ERN1: variants seen among roughly 807,000 people sequenced by gnomAD.
ERN1 encodes the protein serine/threonine-protein kinase/endoribonuclease IRE1.
In ERN1, 39 loss-of-function variants were observed where a neutral mutation model predicts 113.1. The ratio of observed to expected loss-of-function variants is 0.34; its 90% CI spans 0.27 to 0.45. The LOEUF (loss-of-function observed/expected upper bound fraction) is 0.45. Among genes scored for constraint, ERN1 ranks in the 20% least tolerant of loss-of-function variants. The pLI, the probability that ERN1 is intolerant of heterozygous loss-of-function variation, is 1.00. For missense variants in ERN1, 976 were observed against 1,274.8 expected, an observed-to-expected ratio of 0.77 and a Z score of 3.57; for synonymous variants, 507 against 515.9, an observed-to-expected ratio of 0.98 and a Z score of 0.23.
At chr17:64,107,638 T>C (rs1274280055) in intron 1 of ERN1, among the ~76,000 whole-genome samples, 1 of 152,116 alleles carries the variant, frequency 6.6e-6, no homozygotes, top group African/African-American at 2.4e-5. Flanking sequence ...TTTATTCAAA[T>C]CAAACCCTGT....
At position 64,052,967 on chromosome 17, in the gene ERN1, A is replaced by G; in HGVS notation, c.2066T>C (p.Leu689Pro). 1 of 1,610,862 alleles carries G rather than the reference A, an allele frequency of 6.2e-7. No homozygotes were observed. Among genetic ancestry groups the G allele is most frequent in the South Asian group, 1.1e-5 (1 of 90,612 alleles). Residue 689 changes from leucine (L) to proline (P), a missense_variant, in exon 17 of 22, where the codon CTA becomes CCA. Physicochemically the swap from Leu to Pro is moderately conservative, Grantham distance 98. This residue lies in a region of ERN1 where 297 missense variants were observed against 457.8 expected (regional missense o/e 0.65). Transcript: ENST00000433197. ...GGATATGAGGATGTTGTGTGGCTTTAGGTCTCTGTGAACTAACAGAGAACT... is the reference window on the plus strand; with the variant it reads ...GGATATGAGGATGTTGTGTGGCTTTGGGTCTCTGTGAACTAACAGAGAACT... ...LHSLNIVHRDLKPHNILISMP... is the reference protein window; with the variant it reads ...LHSLNIVHRDPKPHNILISMP...
chr17:64,091,650 G>T (rs1262693974), intron 2 of ERN1, among the ~76,000 whole-genome samples: 2 of 152,178 alleles, frequency 1.3e-5, no homozygotes, highest in Non-Finnish European at 2.9e-5. Context: ...AACATTGCAG[G>T]CTGCTGGTAG....
intron 2 of ERN1, among the ~76,000 whole-genome samples, chr17:64,097,179 C>T (rs1914253378): frequency 1.3e-5 from 2 of 152,194 alleles, no homozygotes; most frequent in Non-Finnish European, 2.9e-5. Flanking sequence ...CCAAGCAGGG[C>T]CCATGCAGGT....
intron 12 of ERN1, among the ~76,000 whole-genome samples, chr17:64,056,902 T>C (rs1018565723): frequency 6.6e-6 from 1 of 152,204 alleles, no homozygotes; most frequent in African/African-American, 2.4e-5. Context: ...ATAAAGAGTC[T>C]GTCATTCCCA....
intron 1 of ERN1, among the ~76,000 whole-genome samples, chr17:64,118,877 C>G (rs1274990703): frequency 6.6e-6 from 1 of 152,168 alleles, no homozygotes; most frequent in Non-Finnish European, 1.5e-5. Context: ...ACAGCCTGCA[C>G]CCTCCCACCA....
At chr17:64,106,864 C>T (rs1914545599) in intron 1 of ERN1, among the ~76,000 whole-genome samples, 1 of 151,840 alleles carries the variant, frequency 6.6e-6, no homozygotes, top group African/African-American at 2.4e-5. Context: ...AACATCAAAA[C>T]AACAGGAAGA....
Position 64,039,487 on chromosome 17 carries a change from A to AT in ERN1, c.*4500_*4501insA, listed in dbSNP as rs1912274685. 2 of 152,238 alleles carry AT rather than the reference A, an allele frequency of 1.3e-5. No homozygotes were observed. Among genetic ancestry groups the AT allele is most frequent in the Non-Finnish European group, 2.9e-5 (2 of 68,040 alleles). 9.4% of individuals were successfully genotyped at this position (152,238 alleles called of 1,614,324 possible). On this transcript the variant is annotated 3_prime_UTR_variant, in exon 22 of 22. Coordinates refer to ENST00000433197, the MANE Select transcript of ERN1 (RefSeq NM_001433.5). ...CCGACCAAATTAATCACCCTTTAAT[A>AT]ATAAGACTACTGTAAAGCATCCATC...
At chr17:64,087,526 T>C (rs1382804839) in intron 2 of ERN1, among the ~76,000 whole-genome samples, 3 of 152,174 alleles carry the variant, frequency 2.0e-5, no homozygotes, top group South Asian at 4.1e-4. Flanking sequence ...CTTTTAAGTG[T>C]ACCTCTAGCA....
intron 2 of ERN1, among the ~76,000 whole-genome samples, chr17:64,081,908 C>T (rs1254439410): frequency 6.6e-6 from 1 of 152,136 alleles, no homozygotes; most frequent in African/African-American, 2.4e-5. Flanking sequence ...AGTGACAGAT[C>T]CAAAAGTCCG....
chr17:64,048,731 G>A (rs1598044056), intron 18 of ERN1, among the ~76,000 whole-genome samples: 1 of 152,272 alleles, frequency 6.6e-6, no homozygotes, highest in East Asian at 1.9e-4. Flanking sequence ...AAATGCCAGT[G>A]CAGGAAGGGA....
intron 1 of ERN1, among the ~76,000 whole-genome samples, chr17:64,103,729 A>G (rs1427947668): frequency 6.6e-6 from 1 of 152,210 alleles, no homozygotes; most frequent in African/African-American, 2.4e-5. Context: ...TCAGGTAAGA[A>G]AAAAATATTT....
In ERN1 at chr17:64,073,335, AT is replaced by A. The variant is rs201213734; in HGVS notation, c.356-1233del. ...AGGTGCGTGCCACCACACCCAGCAA[AT>A]TTTTTTTTTTTTTTTTTTTTAGTAG... On this transcript the variant is annotated intron_variant, in intron 5 of 21. Coordinates refer to ENST00000433197, the MANE Select transcript of ERN1 (RefSeq NM_001433.5). Among the ~76,000 whole-genome samples, 408 of 135,084 alleles carry A rather than the reference AT, an allele frequency of 3.0e-3. 1 individual carries two copies. Among genetic ancestry groups the A allele is most frequent in the Admixed American group, 4.2e-3 (57 of 13,564 alleles). The allele number at this position is 135,084 out of a possible 152,430, so 88.6% of individuals were successfully genotyped here. A position where few individuals can be genotyped will look rare whatever the true frequency, so the allele number is the denominator to read the frequency against.
intron 2 of ERN1, among the ~76,000 whole-genome samples, chr17:64,091,818 GC>G (rs975479441): frequency 6.6e-6 from 1 of 152,158 alleles, no homozygotes; most frequent in African/African-American, 2.4e-5. Context: ...GCACTAAGGA[GC>G]TTAGACTTGA....
intron 1 of ERN1, 111 bp downstream of exon 1, chr17:64,129,865 C>T: frequency 1.2e-5 from 13 of 1,060,370 alleles, no homozygotes; most frequent in African/African-American, 8.3e-5. Context: ...GGCATCTGGC[C>T]GCCGCCGTCG....
intron 1 of ERN1, among the ~76,000 whole-genome samples, chr17:64,126,496 A>G (rs1253452211): frequency 1.3e-5 from 2 of 152,266 alleles, no homozygotes; most frequent in East Asian, 1.9e-4. Flanking sequence ...GCGGCTCACT[A>G]GATTTATGTT....
intron 4 of ERN1, among the ~76,000 whole-genome samples, chr17:64,078,237 G>C (rs1220218503): frequency 6.6e-6 from 1 of 152,226 alleles, no homozygotes; most frequent in Non-Finnish European, 1.5e-5. Context: ...GTGAGTAGCA[G>C]TATGGCACTG....
chr17:64,111,245 T>C (rs757024095), intron 1 of ERN1, among the ~76,000 whole-genome samples: 17 of 152,252 alleles, frequency 1.1e-4, no homozygotes, highest in Non-Finnish European at 2.4e-4. Context: ...GGAATGGCTA[T>C]AATGATCCTA....
rs566084028 is a variant in ERN1 at position 64,053,118 on chromosome 17, C to T, written c.2054-139G>A. 726 of 923,644 alleles carry T rather than the reference C, an allele frequency of 7.9e-4. 2 individuals are homozygous for T. Among genetic ancestry groups the T allele is most frequent in the Middle Eastern group, 6.1e-3 (18 of 2,950 alleles). The allele number at this position is 923,644 out of a possible 1,614,324, so 57.2% of individuals were successfully genotyped here. A position where few individuals can be genotyped will look rare whatever the true frequency, so the allele number is the denominator to read the frequency against. On this transcript the variant is annotated intron_variant, in intron 16 of 21. Transcript: ENST00000433197. ...TTCTGATTTTCAACTATGTCGGATT[C>T]CTCCTCAAATTCTTACACCACTCAT... is the stretch of plus-strand genomic sequence containing the variant.
In ERN1 at chr17:64,053,380, G is replaced by A; in HGVS notation, c.1954-9C>T. 1 of 1,586,990 alleles carries A rather than the reference G, an allele frequency of 6.3e-7. No homozygotes were observed. Among genetic ancestry groups the A allele is most frequent in the Non-Finnish European group, 8.6e-7 (1 of 1,165,558 alleles). ...TCCTTCTGCTCCACATACTGCAAAA[G>A]ACATGACAGCAAGGTCACGGCACAC... On this transcript the variant is annotated splice_polypyrimidine_tract_variant and intron_variant, in intron 15 of 21. Transcript: ENST00000433197.
Sources: gnomAD v4.1 joint callset for allele counts (sites outside exome capture counted in the v4.1 genomes callset) on GRCh38, gnomAD v4.1.1 for gene constraint, gnomAD v4.1.1 regional missense constraint, MANE v1.5 for transcripts, NCBI Gene and HGNC (gene_info 2026-07-23, HGNC 2026-07-21) for gene names.